Variants in ADAMTSL3 observed in about 807,000 individuals in gnomAD.
ADAMTSL3 encodes ADAMTS like 3.
Under a neutral mutation model 201.7 loss-of-function variants are expected in ADAMTSL3, and 128 were observed. That is an observed-to-expected ratio of 0.63 (90% CI 0.55 to 0.73). ADAMTSL3 has a LOEUF of 0.73. Ranked by LOEUF, ADAMTSL3 falls within the 30% of genes least tolerant of loss-of-function variation. ADAMTSL3 has a pLI of 0.00. For synonymous variants in ADAMTSL3, 738 were observed against 748.4 expected (o/e 0.99, Z 0.23); for missense variants, 1,990 against 2,119.6 (o/e 0.94, Z 1.20).
At chr15:83,739,940 T>TCA in intron 3 of ADAMTSL3, 1 of 553,340 alleles carries the variant, frequency 1.8e-6, no homozygotes, top group Non-Finnish European at 3.6e-6. Context: ...AACACCTTCT[T>TCA]CAGTGAGATG....
intron 9 of ADAMTSL3, among the ~76,000 whole-genome samples, chr15:83,875,242 C>G (rs1478579461): frequency 6.6e-6 from 1 of 152,182 alleles, no homozygotes; most frequent in Non-Finnish European, 1.5e-5. Flanking sequence ...GCAGTAGGTT[C>G]TAGGAGAATT....
chr15:83,988,713 A>AAGATAC lies in ADAMTSL3; in HGVS notation c.3749_3754dup (p.Ile1250_Gln1251dup). 6.2e-7 allele frequency: 1 copy of AAGATAC among 1,607,184 alleles called. No homozygotes were observed. Among genetic ancestry groups the AAGATAC allele is most frequent in the Non-Finnish European group, 8.5e-7 (1 of 1,176,254 alleles). ...CAGAATAATTTTGGATGGAACTGGG[A>AAGATAC]AGATACAGATACAGAATCCTACAAG... is the stretch of plus-strand genomic sequence containing the variant. On this transcript the variant is annotated inframe_insertion, in exon 22 of 30. Transcript: ENST00000286744.
intron 16 of ADAMTSL3, among the ~76,000 whole-genome samples, chr15:83,917,353 G>T (rs1596402868): frequency 6.6e-6 from 1 of 152,286 alleles, no homozygotes; most frequent in South Asian, 2.1e-4. Context: ...TAGCAACAGA[G>T]AATTCTTTTT....
At chr15:83,807,439 G>A (rs956114782) in intron 5 of ADAMTSL3, among the ~76,000 whole-genome samples, 30 of 152,192 alleles carry the variant, frequency 2.0e-4, no homozygotes, top group African/African-American at 7.2e-4. Context: ...CTAGGTGACA[G>A]TGCGAGACTG....
intron 23 of ADAMTSL3, 104 bp downstream of exon 23, chr15:83,991,318 C>T: frequency 6.5e-7 from 1 of 1,536,708 alleles, no homozygotes; most frequent in Non-Finnish European, 8.9e-7. Flanking sequence ...TTCGAGACCT[C>T]AGCCTGATAG....
At chr15:83,829,267 G>A (rs931066640) in intron 6 of ADAMTSL3, among the ~76,000 whole-genome samples, 7 of 152,164 alleles carry the variant, frequency 4.6e-5, no homozygotes, top group Non-Finnish European at 1.0e-4. Flanking sequence ...GGGTGTATGT[G>A]TCCAGGAATT....
chr15:83,757,174 G>A (rs191354351), intron 3 of ADAMTSL3, among the ~76,000 whole-genome samples: 2 of 152,318 alleles, frequency 1.3e-5, no homozygotes, highest in Admixed American at 6.5e-5. Flanking sequence ...ACTCTGTGTG[G>A]GGCCCGCACC....
intron 4 of ADAMTSL3, among the ~76,000 whole-genome samples, chr15:83,785,642 G>T (rs2063249569): frequency 6.6e-6 from 1 of 152,110 alleles, no homozygotes; most frequent in South Asian, 2.1e-4. Context: ...TTTTGGTACA[G>T]ATTTAGATCC....
intron 3 of ADAMTSL3, among the ~76,000 whole-genome samples, chr15:83,759,135 G>C (rs953031088): frequency 1.3e-5 from 2 of 152,058 alleles, no homozygotes; most frequent in African/African-American, 4.8e-5. Context: ...TAGAAAAATA[G>C]AGAAATAGAA....
At position 83,909,912 on chromosome 15, in the gene ADAMTSL3, G is replaced by A. The variant is rs370988154; in HGVS notation, c.1701-3180G>A. On this transcript the variant is annotated intron_variant, in intron 15 of 29. Transcript: ENST00000286744. ...ATTATAGGCATGAGCCACCACGCCCGCTGATGGGTTTTGACAGATGTATGT... is the reference window on the plus strand; with the variant it reads ...ATTATAGGCATGAGCCACCACGCCCACTGATGGGTTTTGACAGATGTATGT... Among the ~76,000 whole-genome samples, 18 of 151,542 alleles carry A rather than the reference G, an allele frequency of 1.2e-4. No individual in the cohort carries two copies. The East Asian group carries it at 2.6e-3, about 22-fold the overall frequency.
chr15:83,745,182 G>T lies in ADAMTSL3; in HGVS notation c.190-28341G>T, dbSNP rs1157418734. The stretch of plus-strand genomic sequence containing the variant: ...TGCTTCAGAGAGGAGTCCACATGGG[G>T]AGTATCACCTTCCTGGTCCATCCCC... On this transcript the variant is annotated intron_variant, in intron 3 of 29. Transcript: ENST00000286744. Among the ~76,000 whole-genome samples the T allele has an allele frequency of 3.3e-5, 5 of 152,198 alleles. No homozygotes were observed. The South Asian group carries it at 1.0e-3, about 31-fold the overall frequency.
chr15:83,869,162 T>C (rs375456762), intron 8 of ADAMTSL3, among the ~76,000 whole-genome samples: 1 of 152,224 alleles, frequency 6.6e-6, no homozygotes, highest in Admixed American at 6.5e-5. Context: ...GGATGTGTTA[T>C]GTTCCACTGA....
At chr15:83,737,488 T>A (rs1170928616) in intron 3 of ADAMTSL3, among the ~76,000 whole-genome samples, 1 of 152,154 alleles carries the variant, frequency 6.6e-6, no homozygotes, top group Admixed American at 6.6e-5. Flanking sequence ...TGTTCACTCT[T>A]CTCTCTTGCC....
At chr15:83,817,600 AAG>A (rs1350837749) in intron 5 of ADAMTSL3, among the ~76,000 whole-genome samples, 2 of 152,216 alleles carry the variant, frequency 1.3e-5, no homozygotes. Flanking sequence ...AGAAATGACA[AAG>A]AGTTGATAAT....
At chr15:84,026,802 A>C (rs2068318601) in intron 27 of ADAMTSL3, among the ~76,000 whole-genome samples, 1 of 152,230 alleles carries the variant, frequency 6.6e-6, no homozygotes, top group South Asian at 2.1e-4. Flanking sequence ...TAAATTTAAG[A>C]GCTCAATATA....
intron 16 of ADAMTSL3, among the ~76,000 whole-genome samples, chr15:83,915,549 C>T (rs1408891974): frequency 6.6e-6 from 1 of 151,414 alleles, no homozygotes; most frequent in Non-Finnish European, 1.5e-5. Context: ...GCACACTGTA[C>T]AATTTATGCA....
intron 3 of ADAMTSL3, 108 bp from the exon 4 acceptor site, chr15:83,773,415 A>G (rs558362389): frequency 7.7e-7 from 1 of 1,306,138 alleles, no homozygotes; most frequent in Non-Finnish European, 1.1e-6. Flanking sequence ...AATTAAAAAA[A>G]AAAAGGTGAC....
rs562631085 is a variant in ADAMTSL3, at chr15:83,936,769, G to A, written c.2118-5827G>A. Among the ~76,000 whole-genome samples the A allele has an allele frequency of 1.3e-5, 2 of 151,046 alleles. 1 individual carries two copies. The highest frequency in any genetic ancestry group is 4.9e-5 in the African/African-American group (2 of 40,486). ...AAAATATTAGCAAACTATGCATCCA[G>A]TGAAAGCTCAATATCTAGAATCTGT... is the stretch of plus-strand genomic sequence containing the variant. On this transcript the variant is annotated intron_variant, in intron 17 of 29. Coordinates refer to ENST00000286744, the MANE Select transcript of ADAMTSL3 (RefSeq NM_207517.3).
At chr15:83,901,092 C>T (rs2065715340) in intron 15 of ADAMTSL3, among the ~76,000 whole-genome samples, 1 of 152,166 alleles carries the variant, frequency 6.6e-6, no homozygotes, top group Non-Finnish European at 1.5e-5. Flanking sequence ...ATAGCTGGCA[C>T]ATCACACTCA....
Sources: gnomAD v4.1 joint callset for allele counts (sites outside exome capture counted in the v4.1 genomes callset) on GRCh38, gnomAD v4.1.1 for gene constraint, MANE v1.5 for transcripts, NCBI Gene and HGNC (gene_info 2026-07-23, HGNC 2026-07-21) for gene names.